Variants in SPP2 observed in about 807,000 individuals in gnomAD.
The protein encoded by SPP2 is secreted phosphoprotein 24.
In SPP2, 34 loss-of-function variants were observed where a neutral mutation model predicts 28.8. That is an observed-to-expected ratio of 1.18 (90% CI 0.90 to 1.57). The LOEUF (loss-of-function observed/expected upper bound fraction) is 1.57. Ranked by LOEUF, SPP2 falls within the 40% of genes most tolerant of loss-of-function variation. The pLI is 0.00. For missense variants in SPP2, 269 were observed against 263.9 expected (o/e 1.02, Z -0.13); for synonymous variants, 96 against 89.4 (o/e 1.07, Z -0.42).
In SPP2 at chr2:234,070,017, C is replaced by T; in HGVS notation, c.*4C>T. On this transcript the variant is annotated 3_prime_UTR_variant, in exon 7 of 8. Coordinates refer to ENST00000168148, the MANE Select transcript of SPP2 (RefSeq NM_006944.3). ...AATAAATACTGACTTTGAGTAACGG[C>T]CTTGAGGTAAGAAAATGCAGGTGCA... 1.2e-6 allele frequency: 2 copies of T among 1,612,458 alleles called. No homozygotes were observed. The highest frequency in any genetic ancestry group is 8.5e-7 in the Non-Finnish European group (1 of 1,178,840).
chr2:234,055,689 C>G (rs1464906387), intron 2 of SPP2, among the ~76,000 whole-genome samples: 4 of 150,046 alleles, frequency 2.7e-5, no homozygotes, highest in Non-Finnish European at 4.4e-5. Flanking sequence ...CTGAGAAACA[C>G]TCACTATAAA....
At chr2:234,068,055 T>C (rs1693862775) in intron 6 of SPP2, among the ~76,000 whole-genome samples, 1 of 152,158 alleles carries the variant, frequency 6.6e-6, no homozygotes, top group African/African-American at 2.4e-5. Flanking sequence ...ACCAAATTTC[T>C]CACCAAATGG....
intron 2 of SPP2, among the ~76,000 whole-genome samples, chr2:234,053,246 T>C (rs138951155): frequency 1.0e-3 from 155 of 152,368 alleles, no homozygotes; most frequent in African/African-American, 3.5e-3. Context: ...GTTGGAAATA[T>C]GTGTTAAACA....
intron 6 of SPP2, among the ~76,000 whole-genome samples, chr2:234,069,007 C>T (rs751469902): frequency 4.6e-5 from 7 of 152,122 alleles, no homozygotes; most frequent in Non-Finnish European, 8.8e-5. Context: ...GTGATCTCAT[C>T]TGAAGCTTGA....
chr2:234,062,836 C>G lies in SPP2; in HGVS notation c.444+2357C>G, dbSNP rs551359931. Among the ~76,000 whole-genome samples, 4 of 152,268 alleles carry G rather than the reference C, an allele frequency of 2.6e-5. No individual in the cohort carries two copies. The East Asian group carries it at 7.7e-4, about 29-fold the overall frequency. On this transcript the variant is annotated intron_variant, in intron 4 of 7. Coordinates refer to ENST00000168148, the MANE Select transcript of SPP2 (RefSeq NM_006944.3). ...CTGATTGTTTGCAAAGCCTACAAAT[C>G]TGTTGCAGCTTTCTAATTGCATAGT...
chr2:234,062,705 T>C (rs546460672), intron 4 of SPP2, among the ~76,000 whole-genome samples: 14 of 152,200 alleles, frequency 9.2e-5, no homozygotes, highest in Non-Finnish European at 1.9e-4. Context: ...TAGTGAATGT[T>C]GAAAGAAATG....
At chr2:234,058,329 AG>A (rs1446624446) in intron 2 of SPP2, among the ~76,000 whole-genome samples, 10 of 152,212 alleles carry the variant, frequency 6.6e-5, no homozygotes, top group African/African-American at 1.7e-4. Flanking sequence ...GACCATAAAA[AG>A]CACACTTGTT....
At position 234,069,987 on chromosome 2, in the gene SPP2, G is replaced by T. The variant is rs777655279; in HGVS notation, c.610G>T (p.Ala204Ser). 6.0e-5 allele frequency: 97 copies of T among 1,613,412 alleles called. 3 individuals carry two copies. In the Admixed American group the frequency reaches 1.5e-3, roughly 24 times the overall value. ...AAGGTACCCAAACCACCGGCACAGA[G>T]CAAGAATAAATACTGACTTTGAGTA... ...NRRYPNHRHR[A>S]RINTDFE Residue 204 changes from alanine to serine, a missense_variant, in exon 7 of 8, where the codon GCA (alanine) becomes TCA (serine). Coordinates refer to ENST00000168148, the MANE Select transcript of SPP2 (RefSeq NM_006944.3).
chr2:234,055,106 C>T (rs1429660261), intron 2 of SPP2, among the ~76,000 whole-genome samples: 2 of 151,758 alleles, frequency 1.3e-5, no homozygotes, highest in South Asian at 2.1e-4. Flanking sequence ...ACCAATATGA[C>T]ATGCATACAT....
At chr2:234,075,377 TCC>T (rs1176596508) in intron 7 of SPP2, among the ~76,000 whole-genome samples, 1 of 152,032 alleles carries the variant, frequency 6.6e-6, no homozygotes, top group Non-Finnish European at 1.5e-5. Flanking sequence ...CTGCATTAGT[TCC>T]CCAGGGCCTC....
At chr2:234,052,861 T>C (rs1467922491) in intron 2 of SPP2, among the ~76,000 whole-genome samples, 1 of 152,230 alleles carries the variant, frequency 6.6e-6, no homozygotes, top group Non-Finnish European at 1.5e-5. Context: ...TTTTTTCTAT[T>C]GGGAGTGTTT....
chr2:234,051,656 G>A (rs1693500313), intron 2 of SPP2, among the ~76,000 whole-genome samples: 1 of 152,196 alleles, frequency 6.6e-6, no homozygotes, highest in Non-Finnish European at 1.5e-5. Context: ...TAAGCAGCAA[G>A]TCATCTCCCT....
At chr2:234,060,515 C>A in intron 4 of SPP2, 36 bp downstream of exon 4, 1 of 1,520,196 alleles carries the variant, frequency 6.6e-7, no homozygotes, top group South Asian at 1.1e-5. Flanking sequence ...CAGACCGCAC[C>A]TCTTAGGGTC....
Position 234,050,710 on chromosome 2 carries a change from A to T in SPP2, c.-77A>T. 1 of 1,274,132 alleles carries T rather than the reference A, an allele frequency of 7.8e-7. No homozygotes were observed. The highest frequency in any genetic ancestry group is 1.5e-5 in the African/African-American group (1 of 68,250). The allele number at this position is 1,274,132 out of a possible 1,614,324, so 78.9% of individuals were successfully genotyped here. ...AGTCAAAATAAGCAGCCAGTGTTTG[A>T]TAAAGACAGCTCCTCTTAGGAAGAA... is the stretch of plus-strand genomic sequence containing the variant. On this transcript the variant is annotated 5_prime_UTR_variant, in exon 1 of 8. Transcript: ENST00000168148.
chr2:234,072,283 T>C (rs576398270), intron 7 of SPP2, among the ~76,000 whole-genome samples: 6 of 152,366 alleles, frequency 3.9e-5, no homozygotes, highest in African/African-American at 1.4e-4. Flanking sequence ...TTCTTTTTAA[T>C]GTATGGCACA....
chr2:234,067,655 T>C (rs930025170), intron 6 of SPP2, among the ~76,000 whole-genome samples: 1 of 151,768 alleles, frequency 6.6e-6, no homozygotes, highest in African/African-American at 2.4e-5. Flanking sequence ...TGGGCGCCTG[T>C]AGTCCCAGCT....
At chr2:234,068,233 C>T (rs1007055919) in intron 6 of SPP2, among the ~76,000 whole-genome samples, 3 of 152,168 alleles carry the variant, frequency 2.0e-5, no homozygotes, top group African/African-American at 7.2e-5. Context: ...TACTAATTGC[C>T]TAACACAATT....
At chr2:234,071,375 AGCCTATCT>A (rs1690777051) in intron 7 of SPP2, among the ~76,000 whole-genome samples, 1 of 152,174 alleles carries the variant, frequency 6.6e-6, no homozygotes, top group African/African-American at 2.4e-5. Context: ...GAGGAGGAAC[AGCCTATCT>A]GCCCCAGTTC....
intron 7 of SPP2, among the ~76,000 whole-genome samples, chr2:234,072,715 C>T (rs250974): frequency 6.6e-5 from 10 of 152,132 alleles, no homozygotes; most frequent in African/African-American, 1.9e-4. Context: ...CTGGTAAGGC[C>T]GGCATAGTGG....
Sources: allele counts gnomAD v4.1 joint callset (sites outside exome capture counted in the v4.1 genomes callset), GRCh38; gene constraint gnomAD v4.1.1; transcripts MANE v1.5; gene names NCBI Gene and HGNC (gene_info 2026-07-23, HGNC 2026-07-21).